The following C12orf50 variants were observed in gnomAD, a reference collection of about 807,000 sequenced individuals.
C12orf50 encodes the protein zinc finger CCCH-type containing 11D.
A neutral mutation model predicts 61.6 loss-of-function variants in C12orf50; 35 were observed. The ratio of observed to expected loss-of-function variants is 0.57; its 90% CI spans 0.43 to 0.75. The LOEUF (loss-of-function observed/expected upper bound fraction) is 0.75. Ranked by LOEUF, C12orf50 falls within the 30% of genes least tolerant of loss-of-function variation. The pLI is 0.00. For missense variants in C12orf50, 475 were observed against 488.5 expected, an observed-to-expected ratio of 0.97 and a Z score of 0.26; for synonymous variants, 178 against 161.5, an observed-to-expected ratio of 1.10 and a Z score of -0.77.
chr12:88,016,944 G>A (rs1166633837), intron 3 of C12orf50, among the ~76,000 whole-genome samples: 2 of 152,192 alleles, frequency 1.3e-5, no homozygotes, highest in African/African-American at 2.4e-5. Context: ...ACAGTGTTCA[G>A]AATAGTGTTA....
chr12:88,014,415 C>A (rs904993073), intron 3 of C12orf50, among the ~76,000 whole-genome samples: 1 of 152,126 alleles, frequency 6.6e-6, no homozygotes, highest in African/African-American at 2.4e-5. Flanking sequence ...CATTCTCCTG[C>A]CTCAGCCTCC....
Position 87,989,327 on chromosome 12 carries a change from C to G in C12orf50, c.637G>C (p.Asp213His). 1 of 1,611,820 alleles carries G rather than the reference C, an allele frequency of 6.2e-7. No homozygotes were observed. The highest frequency in any genetic ancestry group is 8.5e-7 in the Non-Finnish European group (1 of 1,178,688). The change falls in exon 8 of 13, where the codon GAT becomes CAT. Residue 213 changes from aspartate to histidine, a missense_variant. By Grantham distance (81) the Asp-to-His change is moderately conservative. Transcript: ENST00000298699. Reference protein sequence around the residue: ...VPQRVIFLGVDESEALTEEKE... With the variant: ...VPQRVIFLGVHESEALTEEKE... ...TCTTCAGTTAAAGCTTCACTTTCATCGACTCCAAGAAATATGACCCTCTGT... is the reference window on the plus strand; with the variant it reads ...TCTTCAGTTAAAGCTTCACTTTCATGGACTCCAAGAAATATGACCCTCTGT...
chr12:87,982,056 A>G (rs769087160), intron 12 of C12orf50, among the ~76,000 whole-genome samples: 1 of 152,092 alleles, frequency 6.6e-6, no homozygotes, highest in Non-Finnish European at 1.5e-5. Flanking sequence ...GGCTACTGAA[A>G]GACAAGAGAA....
chr12:87,985,788 A>C (rs558509832), intron 11 of C12orf50, 62 bp downstream of exon 11: 22 of 1,553,634 alleles, frequency 1.4e-5, no homozygotes, highest in Non-Finnish European at 1.9e-5. Flanking sequence ...CCAAGCTGTC[A>C]AGAAATTCCA....
At chr12:88,007,887 A>AT (rs1253362548) in intron 3 of C12orf50, among the ~76,000 whole-genome samples, 5 of 152,172 alleles carry the variant, frequency 3.3e-5, no homozygotes, top group Admixed American at 2.0e-4. Context: ...TCCTAAAGGC[A>AT]TGTTAAAGAC....
At chr12:87,986,518 G>A (rs2030834575) in intron 9 of C12orf50, 102 bp from the exon 10 acceptor site, 3 of 768,232 alleles carry the variant, frequency 3.9e-6, no homozygotes, top group Non-Finnish European at 5.9e-6. Context: ...TGTCAAGCAA[G>A]AGGAAAAAAT....
chr12:88,021,960 G>A (rs2032532537), intron 3 of C12orf50, among the ~76,000 whole-genome samples: 1 of 151,746 alleles, frequency 6.6e-6, no homozygotes, highest in African/African-American at 2.4e-5. Flanking sequence ...TCAAAAAATT[G>A]AGGATGAAGG....
intron 3 of C12orf50, among the ~76,000 whole-genome samples, chr12:88,006,062 G>A (rs957500210): frequency 1.3e-5 from 2 of 151,742 alleles, no homozygotes; most frequent in South Asian, 2.1e-4. Flanking sequence ...GACTACAGGC[G>A]CCCGCCACCA....
intron 6 of C12orf50, 134 bp downstream of exon 6, chr12:87,996,240 A>G: frequency 1.5e-6 from 1 of 679,812 alleles, no homozygotes; most frequent in Non-Finnish European, 2.5e-6. Flanking sequence ...TCCAATACAA[A>G]CACTTTCTTC....
chr12:87,999,657 C>T (rs2031568529), intron 3 of C12orf50, among the ~76,000 whole-genome samples: 1 of 152,096 alleles, frequency 6.6e-6, no homozygotes, highest in Non-Finnish European at 1.5e-5. Flanking sequence ...CCATCTATTC[C>T]ATTTTTAGCT....
chr12:88,019,770 A>G (rs547712878), intron 3 of C12orf50, among the ~76,000 whole-genome samples: 1 of 152,208 alleles, frequency 6.6e-6, no homozygotes, highest in African/African-American at 2.4e-5. Flanking sequence ...AAGAAAAAAA[A>G]TGTTAAAGAC....
Position 87,980,131 on chromosome 12 carries a change from T to G in C12orf50, c.*200A>C. On this transcript the variant is annotated 3_prime_UTR_variant, in exon 13 of 13. Transcript: ENST00000298699. ...TAAATACACTGGCAGCTGTTGGTAA[T>G]TTGCATTTTTATCAGTTTTGAAAGA... is the stretch of plus-strand genomic sequence containing the variant. The G allele has an allele frequency of 1.8e-6, 1 of 556,584 alleles. No homozygotes were observed. Among genetic ancestry groups the G allele is most frequent in the Non-Finnish European group, 3.1e-6 (1 of 318,082 alleles). 34.5% of individuals were successfully genotyped at this position (556,584 alleles called of 1,614,324 possible).
intron 3 of C12orf50, among the ~76,000 whole-genome samples, chr12:88,010,408 GATT>G (rs1202359095): frequency 8.1e-6 from 1 of 123,792 alleles, no homozygotes; most frequent in Non-Finnish European, 1.5e-5. Context: ...CTTATAATAA[GATT>G]ATAAGATTAA....
rs762072622 is a variant in C12orf50 at position 87,986,070 on chromosome 12, G to A, written c.923-17C>T. ...CCTGTACTGCTGTAAAGAAAGGTGGGAGGGAGTGAGGAATAAAACAGGCTG... is the reference window on the plus strand; with the variant it reads ...CCTGTACTGCTGTAAAGAAAGGTGGAAGGGAGTGAGGAATAAAACAGGCTG... On this transcript the variant is annotated splice_polypyrimidine_tract_variant and intron_variant, in intron 10 of 12. Coordinates refer to ENST00000298699, the MANE Select transcript of C12orf50 (RefSeq NM_152589.3). The A allele has an allele frequency of 5.6e-6, 9 of 1,608,600 alleles. No individual in the cohort carries two copies. The Admixed American group carries it at 1.2e-4, about 21-fold the overall frequency.
At chr12:87,988,413 C>T (rs1173818762) in intron 8 of C12orf50, among the ~76,000 whole-genome samples, 1 of 152,176 alleles carries the variant, frequency 6.6e-6, no homozygotes, top group African/African-American at 2.4e-5. Context: ...AATATGGCAG[C>T]CACTAGCCTC....
intron 3 of C12orf50, among the ~76,000 whole-genome samples, chr12:88,005,940 G>A (rs1226839228): frequency 6.2e-5 from 8 of 129,926 alleles, no homozygotes; most frequent in Non-Finnish European, 1.1e-4. Context: ...TTTTTGAGAC[G>A]GAGTCTTGCT....
rs186521536 is a variant in C12orf50 at position 88,023,113 on chromosome 12, A to C, written c.133+3375T>G. The stretch of plus-strand genomic sequence containing the variant: ...GTTACCCAACTTCAAACTATACTAC[A>C]GGTCTACGGTAACCAAAACAGCATG... On this transcript the variant is annotated intron_variant, in intron 3 of 12. Transcript: ENST00000298699. 7.3e-4 allele frequency among the ~76,000 whole-genome samples: 111 copies of C among 152,306 alleles called. 2 individuals carry two copies. Among genetic ancestry groups the C allele is most frequent in the Admixed American group, 6.9e-3 (105 of 15,302 alleles).
intron 3 of C12orf50, among the ~76,000 whole-genome samples, chr12:88,016,452 AT>A (rs764192972): frequency 5.3e-5 from 8 of 152,196 alleles, no homozygotes; most frequent in Non-Finnish European, 1.0e-4. Context: ...ATCATAGGAA[AT>A]ATTAGGTCTG....
At chr12:87,995,483 G>T (rs897435905) in intron 6 of C12orf50, among the ~76,000 whole-genome samples, 1 of 152,022 alleles carries the variant, frequency 6.6e-6, no homozygotes, top group African/African-American at 2.4e-5. Context: ...TGTATATTTA[G>T]AGAGAGTGAA....
Sources: gnomAD v4.1 joint callset for allele counts (sites outside exome capture counted in the v4.1 genomes callset) on GRCh38, gnomAD v4.1.1 for gene constraint, MANE v1.5 for transcripts, NCBI Gene and HGNC (gene_info 2026-07-23, HGNC 2026-07-21) for gene names.